Variants in GRM8 observed in about 807,000 individuals in gnomAD.
GRM8 encodes metabotropic glutamate receptor 8.
Under a neutral mutation model 87.2 loss-of-function variants are expected in GRM8, and 47 were observed. That is an observed-to-expected ratio of 0.54 (90% CI 0.43 to 0.69). The LOEUF is 0.69. Among genes scored for constraint, GRM8 ranks in the 30% least tolerant of loss-of-function variants. The pLI is 0.00. For missense variants in GRM8, 1,019 were observed against 1,139.2 expected (o/e 0.89, Z 1.52); for synonymous variants, 396 against 404.5 (o/e 0.98, Z 0.25).
intron 3 of GRM8, among the ~76,000 whole-genome samples, chr7:127,031,886 T>G (rs2132308807): frequency 6.6e-6 from 1 of 152,110 alleles, no homozygotes; most frequent in East Asian, 1.9e-4. Context: ...CTTTAATACC[T>G]AAGAAGTTCT....
intron 6 of GRM8, among the ~76,000 whole-genome samples, chr7:126,873,900 A>C (rs2130922760): frequency 6.6e-6 from 1 of 152,208 alleles, no homozygotes; most frequent in Admixed American, 6.5e-5. Context: ...TTGTTTTTTA[A>C]ATTTTATATT....
chr7:126,448,821 T>C (rs914070487), intron 9 of GRM8, among the ~76,000 whole-genome samples: 2 of 151,660 alleles, frequency 1.3e-5, no homozygotes, highest in African/African-American at 4.8e-5. Flanking sequence ...CACTTATAAG[T>C]GGGAGCTAAA....
intron 6 of GRM8, among the ~76,000 whole-genome samples, chr7:126,883,932 T>C (rs1191952027): frequency 2.0e-5 from 3 of 152,146 alleles, no homozygotes; most frequent in South Asian, 4.1e-4. Context: ...ATCAGATGTA[T>C]AAAATATGTG....
At chr7:127,026,418 C>T (rs1227510567) in intron 3 of GRM8, among the ~76,000 whole-genome samples, 5 of 152,080 alleles carry the variant, frequency 3.3e-5, no homozygotes, top group Admixed American at 6.5e-5. Flanking sequence ...CCTGAGGAAT[C>T]GCCACACTGT....
At position 127,180,678 on chromosome 7, in the gene GRM8, G is replaced by C. The variant is rs150153939; in HGVS notation, c.510+62017C>G. Among the ~76,000 whole-genome samples the C allele has an allele frequency of 2.6e-3, 398 of 152,252 alleles. 1 individual carries two copies. Among genetic ancestry groups the C allele is most frequent in the African/African-American group, 8.5e-3 (353 of 41,560 alleles). ...ATCAAGTGAGTTTCATACCAGGGATGCAGGGATGGTTTAACATATGCAAGT... is the reference window on the plus strand; with the variant it reads ...ATCAAGTGAGTTTCATACCAGGGATCCAGGGATGGTTTAACATATGCAAGT... On this transcript the variant is annotated intron_variant, in intron 2 of 10. Coordinates refer to ENST00000339582, the MANE Select transcript of GRM8 (RefSeq NM_000845.3).
chr7:126,998,129 G>A (rs1384740077), intron 3 of GRM8, among the ~76,000 whole-genome samples: 1 of 151,842 alleles, frequency 6.6e-6, no homozygotes, highest in Admixed American at 6.6e-5. Flanking sequence ...CAATCAATGT[G>A]ATATATCATA....
chr7:126,514,117 T>C lies in GRM8; in HGVS notation c.2430+18835A>G, dbSNP rs565300934. On this transcript the variant is annotated intron_variant, in intron 9 of 10. Transcript: ENST00000339582. The stretch of plus-strand genomic sequence containing the variant: ...ACAGGAAACACAGAGATGAGGAAAA[T>C]AAGTATCCCAGTGCCTATGGAGATG... Among the ~76,000 whole-genome samples the C allele has an allele frequency of 4.5e-4, 68 of 152,212 alleles. 1 individual carries two copies. The highest frequency in any genetic ancestry group is 6.8e-3 in the Middle Eastern group (2 of 294).
At chr7:126,618,828 C>T (rs1799802431) in intron 7 of GRM8, among the ~76,000 whole-genome samples, 2 of 152,146 alleles carry the variant, frequency 1.3e-5, no homozygotes, top group South Asian at 4.1e-4. Flanking sequence ...AATGAGATAC[C>T]ATCTGACACC....
chr7:126,608,760 T>C (rs977442947), intron 8 of GRM8, among the ~76,000 whole-genome samples: 2 of 126,940 alleles, frequency 1.6e-5, no homozygotes, highest in Non-Finnish European at 1.6e-5. Context: ...TGATGTGCCC[T>C]TTTTTTTTTT....
intron 2 of GRM8, among the ~76,000 whole-genome samples, chr7:127,107,955 A>T (rs1825973067): frequency 6.6e-6 from 1 of 152,198 alleles, no homozygotes; most frequent in Non-Finnish European, 1.5e-5. Context: ...TTCAGCTTCC[A>T]TGTAACTTGG....
intron 3 of GRM8, among the ~76,000 whole-genome samples, chr7:126,958,503 C>T (rs889254236): frequency 6.6e-6 from 1 of 152,194 alleles, no homozygotes; most frequent in African/African-American, 2.4e-5. Flanking sequence ...GCTGCCTGCC[C>T]CACTGCGGCA....
At chr7:127,067,491 A>G (rs1005348751) in intron 3 of GRM8, among the ~76,000 whole-genome samples, 1 of 152,180 alleles carries the variant, frequency 6.6e-6, no homozygotes, top group African/African-American at 2.4e-5. Flanking sequence ...ATTTTGTGAA[A>G]GTTTGTTTTG....
chr7:127,220,638 C>G (rs1329017748), intron 2 of GRM8, among the ~76,000 whole-genome samples: 1 of 151,972 alleles, frequency 6.6e-6, no homozygotes, highest in East Asian at 1.9e-4. Flanking sequence ...GTGCATGCCA[C>G]CATGTCCAGC....
intron 2 of GRM8, among the ~76,000 whole-genome samples, chr7:127,199,628 G>T (rs1350276970): frequency 6.6e-6 from 1 of 152,208 alleles, no homozygotes; most frequent in Non-Finnish European, 1.5e-5. Context: ...AGGGGCACAT[G>T]AGGACAAGAT....
intron 1 of GRM8, chr7:127,250,798 G>A (rs186219061): frequency 6.6e-6 from 1 of 152,134 alleles, no homozygotes; most frequent in Non-Finnish European, 1.5e-5. Context: ...ATTTCATAAC[G>A]GAAAGTGGAA....
At chr7:127,088,765 C>T (rs1823755168) in intron 3 of GRM8, among the ~76,000 whole-genome samples, 1 of 152,190 alleles carries the variant, frequency 6.6e-6, no homozygotes, top group African/African-American at 2.4e-5. Context: ...TAAGAAATGA[C>T]ACCTCTCTGT....
chr7:127,081,713 G>A (rs1002939427), intron 3 of GRM8, among the ~76,000 whole-genome samples: 7 of 152,214 alleles, frequency 4.6e-5, no homozygotes, highest in African/African-American at 1.7e-4. Context: ...CAGAACTGAA[G>A]ATATCATTTG....
intron 7 of GRM8, among the ~76,000 whole-genome samples, chr7:126,648,306 ATCTG>A (rs1361605478): frequency 6.6e-6 from 1 of 151,384 alleles, no homozygotes; most frequent in Non-Finnish European, 1.5e-5. Context: ...TATCCTCCCT[ATCTG>A]TCTGATTTTC....
In GRM8 at chr7:127,242,734, G is replaced by T; in HGVS notation, c.471C>A (p.Ser157=). Residue 157 remains serine (S), a synonymous_variant, in exon 2 of 11, where the codon TCC becomes TCA. Coordinates refer to ENST00000339582, the MANE Select transcript of GRM8 (RefSeq NM_000845.3). ...AAATGTTAGCAACCATGATGGACACGGAGCTTGCTGCAGCACCTATGACGC... is the reference window on the plus strand; with the variant it reads ...AAATGTTAGCAACCATGATGGACACTGAGCTTGCTGCAGCACCTATGACGC... ...ISGVIGAAAS[S]VSIMVANILR... is the part of the protein sequence containing the mutation. The T allele has an allele frequency of 6.2e-7, 1 of 1,614,182 alleles. No homozygotes were observed. Among genetic ancestry groups the T allele is most frequent in the Non-Finnish European group, 8.5e-7 (1 of 1,180,028 alleles).
Sources: gnomAD v4.1 joint callset for allele counts (sites outside exome capture counted in the v4.1 genomes callset) on GRCh38, gnomAD v4.1.1 for gene constraint, MANE v1.5 for transcripts, NCBI Gene and HGNC (gene_info 2026-07-23, HGNC 2026-07-21) for gene names.